Variants in CNTNAP2 observed in about 807,000 individuals in gnomAD.
CNTNAP2 encodes contactin associated protein 2, also known as contactin-associated protein-like 2.
In CNTNAP2, 98 loss-of-function variants were observed where a neutral mutation model predicts 155.2. That is an observed-to-expected ratio of 0.63 (90% confidence interval 0.54 to 0.75). The LOEUF (loss-of-function observed/expected upper bound fraction) is 0.75. Ranked by LOEUF, CNTNAP2 falls within the 30% of genes least tolerant of loss-of-function variation. The probability of loss-of-function intolerance (pLI) is 0.00; values close to 1 mark genes in which losing one functional copy is unlikely to be tolerated. For missense variants in CNTNAP2, 1,727 were observed against 1,688.1 expected (o/e 1.02, Z -0.40); for synonymous variants, 651 against 631.2 (o/e 1.03, Z -0.47).
At chr7:146,955,811 G>A (rs189808169) in intron 3 of CNTNAP2, among the ~76,000 whole-genome samples, 11 of 151,980 alleles carry the variant, frequency 7.2e-5, no homozygotes, top group East Asian at 3.9e-4. Context: ...GTGCAGTGTC[G>A]AATATAAGAG....
chr7:147,592,871 T>C (rs1800765293), intron 12 of CNTNAP2, among the ~76,000 whole-genome samples: 1 of 152,190 alleles, frequency 6.6e-6, no homozygotes, highest in Admixed American at 6.6e-5. Context: ...GCCAAAATTA[T>C]CTATTGCTCT....
At chr7:148,164,100 A>G (rs1805603348) in intron 17 of CNTNAP2, among the ~76,000 whole-genome samples, 1 of 151,922 alleles carries the variant, frequency 6.6e-6, no homozygotes, top group Non-Finnish European at 1.5e-5. Context: ...ACACCTGGCT[A>G]ATTTTTGTAT....
At chr7:148,078,550 G>A (rs767297741) in intron 15 of CNTNAP2, among the ~76,000 whole-genome samples, 2 of 150,878 alleles carry the variant, frequency 1.3e-5, no homozygotes, top group South Asian at 2.1e-4. Context: ...GTGCCATCTC[G>A]GCTCACTGCA....
At chr7:147,780,766 G>A (rs1029101005) in intron 13 of CNTNAP2, among the ~76,000 whole-genome samples, 11 of 152,134 alleles carry the variant, frequency 7.2e-5, no homozygotes, top group African/African-American at 2.7e-4. Flanking sequence ...CTAACACAAG[G>A]AATAGAAGTA....
At chr7:146,942,748 A>T (rs1338672747) in intron 3 of CNTNAP2, among the ~76,000 whole-genome samples, 2 of 152,186 alleles carry the variant, frequency 1.3e-5, no homozygotes, top group East Asian at 1.9e-4. Flanking sequence ...TTTATGTATA[A>T]TGCCAATGTT....
At position 148,395,943 on chromosome 7, in the gene CNTNAP2, T is replaced by C. The variant is rs1489037202; in HGVS notation, c.3715+12055T>C. On this transcript the variant is annotated intron_variant, in intron 22 of 23. Transcript: ENST00000361727. ...TCTACCTTTCTTTCCCTTCATCCCC[T>C]ACGATAGATTTTGAACCCCAGGGAG... 2.0e-5 allele frequency among the ~76,000 whole-genome samples: 3 copies of C among 152,162 alleles called. No individual in the cohort carries two copies. In the South Asian group the frequency reaches 6.2e-4, roughly 32 times the overall value.
chr7:147,321,439 TC>T (rs200920548), intron 9 of CNTNAP2, among the ~76,000 whole-genome samples: 8,168 of 152,228 alleles, frequency 0.054, 295 homozygotes, highest in African/African-American at 0.1. Context: ...TTTATTTTTT[TC>T]ATTTTTATTT....
At position 148,256,201 on chromosome 7, in the gene CNTNAP2, A is replaced by G. The variant is rs1019940409; in HGVS notation, c.3382-10832A>G. Among the ~76,000 whole-genome samples the G allele has an allele frequency of 5.9e-5, 9 of 152,240 alleles. No homozygotes were observed. The South Asian group carries it at 1.7e-3, about 28-fold the overall frequency. On this transcript the variant is annotated intron_variant, in intron 20 of 23. Coordinates refer to ENST00000361727, the MANE Select transcript of CNTNAP2 (RefSeq NM_014141.6). ...GGACGCTTCCTCCCACCCTCCATCC[A>G]TCACCAAAACCGGTCGAAGTTGAAT... is the stretch of plus-strand genomic sequence containing the variant.
chr7:146,714,275 G>C (rs1052942751), intron 1 of CNTNAP2, among the ~76,000 whole-genome samples: 2 of 152,156 alleles, frequency 1.3e-5, no homozygotes, highest in Non-Finnish European at 2.9e-5. Flanking sequence ...AATCACTGTT[G>C]CTAGAACGTA....
chr7:147,380,775 G>C (rs1004646007), intron 9 of CNTNAP2, among the ~76,000 whole-genome samples: 3 of 152,066 alleles, frequency 2.0e-5, no homozygotes, highest in Non-Finnish European at 4.4e-5. Context: ...AAATAAAACT[G>C]TGTTTGATTT....
chr7:146,314,033 A>G (rs999124386), intron 1 of CNTNAP2, among the ~76,000 whole-genome samples: 4 of 152,138 alleles, frequency 2.6e-5, no homozygotes, highest in Admixed American at 6.6e-5. Context: ...ATAAATTGAT[A>G]TTTGTATTTC....
At position 146,870,660 on chromosome 7, in the gene CNTNAP2, G is replaced by T. The variant is rs573493468; in HGVS notation, c.402+30756G>T. On this transcript the variant is annotated intron_variant, in intron 3 of 23. Coordinates refer to ENST00000361727, the MANE Select transcript of CNTNAP2 (RefSeq NM_014141.6). The stretch of plus-strand genomic sequence containing the variant: ...CATTTCTCATTCAAACTAACTTAAA[G>T]ATACTATGTTAAATGTTCTACAATC... Among the ~76,000 whole-genome samples, 8 of 152,168 alleles carry T rather than the reference G, an allele frequency of 5.3e-5. No homozygotes were observed. In the South Asian group the frequency reaches 1.7e-3, roughly 32 times the overall value.
intron 8 of CNTNAP2, among the ~76,000 whole-genome samples, chr7:147,287,131 G>A (rs1262650592): frequency 6.6e-6 from 1 of 152,052 alleles, no homozygotes; most frequent in African/African-American, 2.4e-5. Flanking sequence ...ATATAGCACG[G>A]GCAAGTGGGA....
intron 1 of CNTNAP2, among the ~76,000 whole-genome samples, chr7:146,556,879 C>T (rs1016930784): frequency 7.9e-5 from 12 of 151,936 alleles, no homozygotes; most frequent in African/African-American, 2.9e-4. Flanking sequence ...CAGTTAATTC[C>T]ACATGGAAGA....
intron 1 of CNTNAP2, among the ~76,000 whole-genome samples, chr7:146,566,939 T>G (rs1217007812): frequency 6.6e-6 from 1 of 152,172 alleles, no homozygotes; most frequent in Non-Finnish European, 1.5e-5. Context: ...ATTTATTTAC[T>G]TATTTATTTT....
Position 147,111,877 on chromosome 7 carries a change from A to T in CNTNAP2, c.754+3527A>T, listed in dbSNP as rs569490845. ...TTTTTTGGTTCCATGTGAATTTTTA[A>T]ATAGTTTTTTTAAATTCTCTGAAGA... is the stretch of plus-strand genomic sequence containing the variant. On this transcript the variant is annotated intron_variant, in intron 5 of 23. Coordinates refer to ENST00000361727, the MANE Select transcript of CNTNAP2 (RefSeq NM_014141.6). Among the ~76,000 whole-genome samples the T allele has an allele frequency of 4.6e-5, 7 of 152,212 alleles. No individual in the cohort carries two copies. In the South Asian group the frequency reaches 1.2e-3, roughly 27 times the overall value.
intron 1 of CNTNAP2, among the ~76,000 whole-genome samples, chr7:146,446,111 G>T (rs953147072): frequency 1.3e-5 from 2 of 152,120 alleles, no homozygotes; most frequent in African/African-American, 4.8e-5. Flanking sequence ...GAGAAAGATT[G>T]CTGAAGGCAA....
intron 10 of CNTNAP2, among the ~76,000 whole-genome samples, chr7:147,476,124 G>C (rs1798315519): frequency 1.3e-5 from 2 of 150,170 alleles, no homozygotes; most frequent in Non-Finnish European, 2.9e-5. Context: ...TATTTATTTT[G>C]AGACGGAGTC....
intron 12 of CNTNAP2, among the ~76,000 whole-genome samples, chr7:147,604,475 T>C (rs1408512428): frequency 1.3e-5 from 2 of 152,360 alleles, no homozygotes; most frequent in South Asian, 2.1e-4. Context: ...TAAATATTTA[T>C]GACATGACCT....
Sources: allele counts gnomAD v4.1 joint callset (sites outside exome capture counted in the v4.1 genomes callset), GRCh38; gene constraint gnomAD v4.1.1; transcripts MANE v1.5; gene names NCBI Gene and HGNC (gene_info 2026-07-23, HGNC 2026-07-21).